MATN2: variants seen among roughly 807,000 people sequenced by gnomAD.
The protein encoded by MATN2 is matrilin 2.
A neutral mutation model predicts 103.2 loss-of-function variants in MATN2; 69 were observed. The observed-to-expected ratio is 0.67, with a 90% CI of 0.55 to 0.82. The LOEUF (loss-of-function observed/expected upper bound fraction) is 0.82, where lower values mean the gene tolerates loss of function less well. Among genes scored for constraint, MATN2 ranks in the 40% least tolerant of loss-of-function variants. The probability of loss-of-function intolerance (pLI) is 0.00; values close to 1 mark genes in which losing one functional copy is unlikely to be tolerated. For synonymous variants in MATN2, 429 were observed against 450.2 expected, an observed-to-expected ratio of 0.95 and a Z score of 0.60; for missense variants, 1,023 against 1,211.5, an observed-to-expected ratio of 0.84 and a Z score of 2.31.
At chr8:97,935,795 G>A (rs1227980069) in intron 3 of MATN2, among the ~76,000 whole-genome samples, 2 of 152,210 alleles carry the variant, frequency 1.3e-5, no homozygotes, top group African/African-American at 2.4e-5. Context: ...GCCTGTAAGT[G>A]GTAGAGTTGA....
intron 12 of MATN2, among the ~76,000 whole-genome samples, 183 bp downstream of exon 12, chr8:98,018,299 C>T (rs1424724992): frequency 6.6e-6 from 1 of 152,118 alleles, no homozygotes; most frequent in Non-Finnish European, 1.5e-5. Flanking sequence ...TCGGGAATTT[C>T]TCAGTCAAGG....
intron 13 of MATN2, among the ~76,000 whole-genome samples, chr8:98,021,680 A>C (rs983743808): frequency 4.4e-5 from 3 of 68,142 alleles, no homozygotes; most frequent in Non-Finnish European, 1.1e-4. Context: ...GTTTAAACAT[A>C]AAAAAAAAAA....
chr8:97,898,523 G>A (rs559348124), intron 2 of MATN2, among the ~76,000 whole-genome samples: 5 of 151,734 alleles, frequency 3.3e-5, no homozygotes, highest in African/African-American at 9.7e-5. Context: ...CTTGAACCTC[G>A]GAGGCGGAGG....
chr8:97,971,882 G>C (rs1185182918), intron 5 of MATN2, among the ~76,000 whole-genome samples: 3 of 137,234 alleles, frequency 2.2e-5, no homozygotes, highest in African/African-American at 7.9e-5. Flanking sequence ...AAATTATAAA[G>C]TCATTTTTGC....
chr8:98,032,840 T>TTTGTTTTTTGTTGTTG (rs1814089959), intron 16 of MATN2, among the ~76,000 whole-genome samples: 1 of 139,018 alleles, frequency 7.2e-6, no homozygotes, highest in South Asian at 2.2e-4. Flanking sequence ...CTGTTTTTGT[T>TTTGTTTTTTGTTGTTG]TTGTTTTTTG....
chr8:97,894,434 A>C (rs1818738135), intron 2 of MATN2, among the ~76,000 whole-genome samples: 1 of 149,176 alleles, frequency 6.7e-6, no homozygotes, highest in East Asian at 2.0e-4. Context: ...GATCCTCCCA[A>C]GTCAGCTTCC....
At chr8:97,967,243 A>G (rs1586102228) in intron 5 of MATN2, among the ~76,000 whole-genome samples, 1 of 152,282 alleles carries the variant, frequency 6.6e-6, no homozygotes, top group Non-Finnish European at 1.5e-5. Flanking sequence ...TTTGGAGGCA[A>G]TAAGCATCCA....
intron 13 of MATN2, 143 bp downstream of exon 13, chr8:98,021,470 G>C (rs1813588368): frequency 2.2e-6 from 2 of 904,308 alleles, no homozygotes; most frequent in Middle Eastern, 2.3e-4. Context: ...GGGGAAGAGA[G>C]GGCTTAACTG....
At chr8:97,939,706 T>C (rs982384392) in intron 3 of MATN2, among the ~76,000 whole-genome samples, 5 of 152,246 alleles carry the variant, frequency 3.3e-5, no homozygotes, top group African/African-American at 1.2e-4. Flanking sequence ...ACTCTGAGCA[T>C]GTCCACTAGT....
intron 2 of MATN2, among the ~76,000 whole-genome samples, chr8:97,889,596 A>C (rs1273509690): frequency 1.3e-5 from 2 of 151,010 alleles, no homozygotes; most frequent in East Asian, 3.9e-4. Flanking sequence ...GGGGCACAAC[A>C]CCACGCTCAG....
In MATN2 at chr8:97,986,288, A is replaced by G. The variant is rs141485071; in HGVS notation, c.1081+7280A>G. ...TTAAGGGGGCAATTTTTATTTTTAAATTAAATTAAATTATTTATGATTTCA... is the reference window on the plus strand; with the variant it reads ...TTAAGGGGGCAATTTTTATTTTTAAGTTAAATTAAATTATTTATGATTTCA... On this transcript the variant is annotated intron_variant, in intron 6 of 18. Transcript: ENST00000254898. Among the ~76,000 whole-genome samples, 1,198 of 152,340 alleles carry G rather than the reference A, an allele frequency of 7.9e-3. 14 individuals are homozygous for G. Among genetic ancestry groups the G allele is most frequent in the Middle Eastern group, 0.034 (10 of 290 alleles).
At chr8:97,994,643 A>G (rs757021765) in intron 7 of MATN2, 41 bp downstream of exon 7, 2 of 1,587,866 alleles carry the variant, frequency 1.3e-6, no homozygotes, top group South Asian at 2.3e-5. Flanking sequence ...TGTTCTGCTA[A>G]ATGCTCCTCT....
intron 2 of MATN2, among the ~76,000 whole-genome samples, chr8:97,911,656 G>A (rs573015966): frequency 4.0e-4 from 60 of 151,160 alleles, no homozygotes; most frequent in Non-Finnish European, 6.6e-4. Context: ...GTAGTGAGCC[G>A]AGATCACACC....
At chr8:97,973,991 C>T (rs1311878922) in intron 5 of MATN2, among the ~76,000 whole-genome samples, 1 of 152,114 alleles carries the variant, frequency 6.6e-6, no homozygotes, top group East Asian at 1.9e-4. Context: ...TGGGAAATTT[C>T]CCAATGTTTT....
intron 18 of MATN2, among the ~76,000 whole-genome samples, chr8:98,034,685 A>G (rs1194147106): frequency 6.6e-6 from 1 of 152,150 alleles, no homozygotes; most frequent in Non-Finnish European, 1.5e-5. Flanking sequence ...AAGAGACTAA[A>G]GAAGACATAT....
At chr8:97,910,358 G>A (rs934861835) in intron 2 of MATN2, among the ~76,000 whole-genome samples, 6 of 152,074 alleles carry the variant, frequency 3.9e-5, no homozygotes, top group South Asian at 2.1e-4. Context: ...ATGCCTGGCC[G>A]ATTTGGTTTT....
At chr8:97,878,557 A>G (rs1386366843) in intron 1 of MATN2, among the ~76,000 whole-genome samples, 1 of 151,528 alleles carries the variant, frequency 6.6e-6, no homozygotes, top group Non-Finnish European at 1.5e-5. Flanking sequence ...AAAAAAAAAA[A>G]AGAAGAAGAA....
intron 2 of MATN2, among the ~76,000 whole-genome samples, chr8:97,894,333 T>C (rs1479885555): frequency 6.7e-6 from 1 of 148,598 alleles, no homozygotes; most frequent in East Asian, 2.0e-4. Flanking sequence ...CTTTTTTTTT[T>C]TTTTTTTTTT....
Position 97,905,207 on chromosome 8 carries a change from C to T in MATN2, c.142+16965C>T, listed in dbSNP as rs550715429. ...GGCCTCCTTTCTAATCCTTTGCATT[C>T]ATTTACTTGTTTATTGTGATAAAAT... On this transcript the variant is annotated intron_variant, in intron 2 of 18. Transcript: ENST00000254898. Among the ~76,000 whole-genome samples, 3 of 152,246 alleles carry T rather than the reference C, an allele frequency of 2.0e-5. No individual in the cohort carries two copies. The East Asian group carries it at 5.8e-4, about 29-fold the overall frequency.
Sources: allele counts gnomAD v4.1 joint callset (sites outside exome capture counted in the v4.1 genomes callset), GRCh38; gene constraint gnomAD v4.1.1; transcripts MANE v1.5; gene names NCBI Gene and HGNC (gene_info 2026-07-23, HGNC 2026-07-21).